Variants in MLIP observed in about 807,000 individuals in gnomAD.
MLIP encodes muscular LMNA-interacting protein.
A neutral mutation model predicts 84.8 loss-of-function variants in MLIP; 79 were observed. The observed-to-expected ratio is 0.93, with a 90% CI of 0.78 to 1.12. The LOEUF (loss-of-function observed/expected upper bound fraction) is 1.12. MLIP is among the 50% of genes most tolerant of loss of function. The pLI, the probability that MLIP is intolerant of heterozygous loss-of-function variation, is 0.00. For synonymous variants in MLIP, 504 were observed against 463.0 expected (o/e 1.09, Z -1.14); for missense variants, 1,257 against 1,160.6 (o/e 1.08, Z -1.21).
At chr6:54,021,004 T>G (rs1763468336) in intron 1 of MLIP, among the ~76,000 whole-genome samples, 1 of 152,214 alleles carries the variant, frequency 6.6e-6, no homozygotes, top group African/African-American at 2.4e-5. Flanking sequence ...AGAAAAGTTT[T>G]GCCTATGCTT....
intron 1 of MLIP, 65 bp from the exon 2 acceptor site, chr6:54,121,382 T>C: frequency 6.6e-7 from 1 of 1,504,660 alleles, no homozygotes; most frequent in Non-Finnish European, 9.2e-7. Context: ...TCATGTCATA[T>C]GGAGAATAAA....
At chr6:54,138,403 G>T in intron 4 of MLIP, 117 bp downstream of exon 4, 2 of 1,202,726 alleles carry the variant, frequency 1.7e-6, no homozygotes, top group Non-Finnish European at 1.1e-6. Flanking sequence ...CAAGGAGGAA[G>T]AAAAAGTGCA....
At chr6:54,262,341 C>T (rs1347966730) in intron 13 of MLIP, among the ~76,000 whole-genome samples, 1 of 151,974 alleles carries the variant, frequency 6.6e-6, no homozygotes, top group African/African-American at 2.4e-5. Flanking sequence ...GAGAAGAAAT[C>T]TCACCCTTCG....
At chr6:54,175,730 G>A (rs549444344) in intron 9 of MLIP, among the ~76,000 whole-genome samples, 1 of 151,808 alleles carries the variant, frequency 6.6e-6, no homozygotes, top group Non-Finnish European at 1.5e-5. Context: ...CAATTTAGGT[G>A]CCCTTTATTT....
chr6:54,226,270 G>A (rs1780564943), intron 11 of MLIP, among the ~76,000 whole-genome samples: 1 of 152,322 alleles, frequency 6.6e-6, no homozygotes, highest in Admixed American at 6.5e-5. Context: ...GAGCAGTGGA[G>A]CTCTTCTGAA....
At chr6:54,236,662 C>G (rs1009661031) in intron 12 of MLIP, among the ~76,000 whole-genome samples, 1 of 151,178 alleles carries the variant, frequency 6.6e-6, no homozygotes, top group Non-Finnish European at 1.5e-5. Flanking sequence ...TTGTTTGCAT[C>G]TCTGTGTGTT....
intron 1 of MLIP, among the ~76,000 whole-genome samples, chr6:54,053,781 C>T (rs1561895314): frequency 1.3e-5 from 2 of 152,034 alleles, no homozygotes; most frequent in Non-Finnish European, 2.9e-5. Context: ...ATTTTATTTC[C>T]AGATTTTTAA....
chr6:54,245,510 G>A (rs530292178), intron 12 of MLIP, among the ~76,000 whole-genome samples: 61 of 152,278 alleles, frequency 4.0e-4, no homozygotes, highest in Admixed American at 1.9e-3. Context: ...GAGTGAATGC[G>A]CAGTAGAAGG....
chr6:54,134,552 TA>T (rs1234473105), intron 3 of MLIP, among the ~76,000 whole-genome samples: 2 of 151,988 alleles, frequency 1.3e-5, no homozygotes, highest in African/African-American at 4.8e-5. Flanking sequence ...ATCAATGTTT[TA>T]AATATATTAA....
intron 1 of MLIP, chr6:54,063,243 A>G (rs1766076510): frequency 1.3e-5 from 2 of 151,380 alleles, no homozygotes; most frequent in African/African-American, 4.9e-5. Flanking sequence ...GGGAGGTCAA[A>G]TTGTAAGGTC....
At chr6:54,215,035 A>G (rs944940570) in intron 11 of MLIP, 6 of 723,132 alleles carry the variant, frequency 8.3e-6, no homozygotes, top group Non-Finnish European at 1.3e-5. Context: ...GATTCTAGTA[A>G]GTTCTCAATA....
chr6:54,137,392 C>T lies in MLIP; in HGVS notation c.1323C>T (p.Leu441=). Residue 441 remains leucine, a synonymous_variant, in exon 4 of 14, where the codon CTC becomes CTT. Coordinates refer to ENST00000502396, the MANE Select transcript of MLIP (RefSeq NM_001281747.2). Reference sequence around the variant, plus strand: ...CTGCATCCTGTCCCACCTTCTCTCTCAACTCCCCGGCCTCTTCCACGCTCA... The same window carrying T: ...CTGCATCCTGTCCCACCTTCTCTCTTAACTCCCCGGCCTCTTCCACGCTCA... ...FSPASCPTFS[L]NSPASSTLTL... The T allele has an allele frequency of 6.5e-7, 1 of 1,536,162 alleles. No individual in the cohort carries two copies. The highest frequency in any genetic ancestry group is 8.7e-7 in the Non-Finnish European group (1 of 1,146,900).
intron 4 of MLIP, among the ~76,000 whole-genome samples, chr6:54,146,723 A>T (rs983986300): frequency 1.3e-5 from 2 of 152,182 alleles, no homozygotes; most frequent in African/African-American, 4.8e-5. Flanking sequence ...AGATTCTTTG[A>T]CATTTTGTGT....
intron 12 of MLIP, among the ~76,000 whole-genome samples, chr6:54,251,861 A>G (rs1454268674): frequency 1.4e-5 from 1 of 70,036 alleles, no homozygotes; most frequent in Non-Finnish European, 2.1e-5. Context: ...TATAATATAA[A>G]TATATATTAT....
intron 10 of MLIP, among the ~76,000 whole-genome samples, chr6:54,191,087 G>T (rs62397385): frequency 0.042 from 6,440 of 152,018 alleles, 195 homozygotes; most frequent in Non-Finnish European, 0.068. Context: ...GAGCCATCGC[G>T]CCCGGCCAAA....
chr6:54,125,842 A>C (rs1770878872), intron 3 of MLIP, among the ~76,000 whole-genome samples: 1 of 152,112 alleles, frequency 6.6e-6, no homozygotes, highest in African/African-American at 2.4e-5. Flanking sequence ...TTACTAGGAC[A>C]GGACCAATGC....
Position 54,169,558 on chromosome 6 carries a change from C to T in MLIP, c.2530C>T (p.Arg844Ter), listed in dbSNP as rs539057828. ...TPTTLPRAAG[R>*]ETKYANLSSP... ...TACAACTCTTCCAAGAGCAGCTGGTCGAGAAACCAAATATGTAAGTACCTT... is the reference window on the plus strand; with the variant it reads ...TACAACTCTTCCAAGAGCAGCTGGTTGAGAAACCAAATATGTAAGTACCTT... The change falls in exon 9 of 14, where the codon CGA (arginine) becomes TGA (stop). Residue 844 changes from arginine to a stop codon, truncating the protein, a stop_gained. Transcript: ENST00000502396. LOFTEE classifies it high-confidence loss of function. 2.5e-6 allele frequency: 4 copies of T among 1,588,196 alleles called. No homozygotes were observed. The highest frequency in any genetic ancestry group is 2.7e-5 in the African/African-American group (2 of 73,708).
At chr6:54,031,366 A>G (rs1764125344) in intron 1 of MLIP, 1 of 152,176 alleles carries the variant, frequency 6.6e-6, no homozygotes, top group South Asian at 2.1e-4. Context: ...GAGTGCTTAC[A>G]TCCTTCTGCC....
At chr6:54,044,159 C>T (rs1202024738) in intron 1 of MLIP, among the ~76,000 whole-genome samples, 13 of 152,192 alleles carry the variant, frequency 8.5e-5, no homozygotes, top group East Asian at 3.8e-4. Flanking sequence ...AGTAAACAGT[C>T]GGGTCATCTA....
Sources: gnomAD v4.1 joint callset for allele counts (sites outside exome capture counted in the v4.1 genomes callset) on GRCh38, gnomAD v4.1.1 for gene constraint, MANE v1.5 for transcripts, NCBI Gene and HGNC (gene_info 2026-07-23, HGNC 2026-07-21) for gene names.